The following CSTF2 variants were observed in gnomAD, a reference collection of about 807,000 sequenced individuals.
CSTF2 encodes the protein CF-1 64 kDa subunit.
A neutral mutation model predicts 45.4 loss-of-function variants in CSTF2; 8 were observed. The ratio of observed to expected loss-of-function variants is 0.18; its 90% CI spans 0.10 to 0.32. The LOEUF (loss-of-function observed/expected upper bound fraction) is 0.32. Among genes scored for constraint, CSTF2 ranks in the 10% least tolerant of loss-of-function variants. The probability of loss-of-function intolerance (pLI) is 1.00; values close to 1 mark genes in which losing one functional copy is unlikely to be tolerated. For synonymous variants in CSTF2, 155 were observed against 158.9 expected, an observed-to-expected ratio of 0.98 and a Z score of 0.18; for missense variants, 253 against 477.1, an observed-to-expected ratio of 0.53 and a Z score of 4.38.
rs755338291 is a variant in CSTF2 at position 100,841,384 on chromosome X, T to A, written c.*674T>A. Among the ~76,000 whole-genome samples the A allele has an allele frequency of 1.7e-4, 19 of 112,593 alleles. No homozygotes were observed. Among genetic ancestry groups the A allele is most frequent in the Non-Finnish European group, 3.4e-4 (18 of 53,354 alleles). On this transcript the variant is annotated 3_prime_UTR_variant, in exon 14 of 14. Transcript: ENST00000372972. ...AATTGTTTTAGCACTGGTTTGAGTG[T>A]GTCAGCAACACAAGAGACTGTTGAC...
chrX:100,831,704 C>G (rs746929690), intron 9 of CSTF2, 48 bp downstream of exon 9: 4 of 1,173,039 alleles, frequency 3.4e-6, no homozygotes, highest in Non-Finnish European at 4.6e-6. Context: ...AGAATTGTCC[C>G]TTCTTCCCTG....
intron 6 of CSTF2, among the ~76,000 whole-genome samples, chrX:100,825,670 G>A (rs1290176969): frequency 9.0e-6 from 1 of 111,646 alleles, no homozygotes; most frequent in East Asian, 2.8e-4. Context: ...ATCAGCCATA[G>A]GCAATAAGTG....
chrX:100,832,651 T>C, intron 9 of CSTF2, 83 bp from the exon 10 acceptor site: 1 of 859,667 alleles, frequency 1.2e-6, no homozygotes, highest in African/African-American at 2.0e-5. Flanking sequence ...CAGCTCTTTG[T>C]TGGATGTTTA....
intron 13 of CSTF2, 130 bp downstream of exon 13, chrX:100,838,494 C>T (rs1234065869): frequency 1.9e-6 from 1 of 530,232 alleles, no homozygotes; most frequent in Non-Finnish European, 2.8e-6. Flanking sequence ...CTTCTTTACC[C>T]TTCAGTAGGT....
chrX:100,821,384 G>T (rs1233496105), intron 1 of CSTF2, 143 bp from the exon 2 acceptor site: 2 of 454,782 alleles, frequency 4.4e-6, no homozygotes, highest in Non-Finnish European at 7.6e-6. Context: ...TATTTCCTTT[G>T]TTAAGAGGTC....
intron 2 of CSTF2, 103 bp downstream of exon 2, chrX:100,821,708 A>T (rs1044347817): frequency 1.8e-6 from 1 of 543,081 alleles, no homozygotes; most frequent in Non-Finnish European, 3.1e-6. Context: ...CTTTTCACAT[A>T]CATTTTGTTC....
intron 11 of CSTF2, among the ~76,000 whole-genome samples, chrX:100,834,302 T>C (rs2084994961): frequency 8.9e-6 from 1 of 111,735 alleles, no homozygotes; most frequent in Admixed American, 9.5e-5. Flanking sequence ...GAGAGAAAGA[T>C]AATGGCAGAG....
chrX:100,823,154 T>C (rs1487196471), intron 3 of CSTF2, 138 bp from the exon 4 acceptor site: 7 of 677,472 alleles, frequency 1.0e-5, no homozygotes, highest in Non-Finnish European at 1.5e-5. Context: ...CAAGAGGCTT[T>C]CACATCATTT....
rs779682617 is a variant in CSTF2 at position 100,820,495 on chromosome X, T to C, written c.58+21T>C. 4 of 1,204,711 alleles carry C rather than the reference T, an allele frequency of 3.3e-6. No individual in the cohort carries two copies. In the South Asian group the frequency reaches 5.3e-5, roughly 16 times the overall value. ...GTTCGGTGAGAGGAATTCGTTGTAG[T>C]CAAGCTTCGGGGAGGGACTCCCCTC... On this transcript the variant is annotated intron_variant, in intron 1 of 13. Coordinates refer to ENST00000372972, the MANE Select transcript of CSTF2 (RefSeq NM_001325.3).
chrX:100,824,599 C>T lies in CSTF2; in HGVS notation c.702+342C>T, dbSNP rs2084935172. Among the ~76,000 whole-genome samples the T allele has an allele frequency of 4.5e-5, 5 of 112,002 alleles. No individual in the cohort carries two copies. In the South Asian group the frequency reaches 1.9e-3, roughly 42 times the overall value. ...TATGAGGTTGGCACTCTTATTATCTCCATTCTTACTGATGAAAAAAGTAAA... is the reference window on the plus strand; with the variant it reads ...TATGAGGTTGGCACTCTTATTATCTTCATTCTTACTGATGAAAAAAGTAAA... On this transcript the variant is annotated intron_variant, in intron 6 of 13. Transcript: ENST00000372972.
chrX:100,829,459 C>CTCCA (rs2147890354), intron 8 of CSTF2, among the ~76,000 whole-genome samples: 1 of 111,400 alleles, frequency 9.0e-6, no homozygotes, highest in African/African-American at 3.3e-5. Context: ...CACCACTGCA[C>CTCCA]TCCAGCCTGG....
rs931713126 is a variant in CSTF2 at position 100,821,627 on chromosome X, T to A, written c.137+22T>A. 1.0e-5 allele frequency: 11 copies of A among 1,105,195 alleles called. No individual in the cohort carries two copies. In the Middle Eastern group the frequency reaches 7.3e-4, roughly 74 times the overall value. 91.1% of individuals were successfully genotyped at this position (1,105,195 alleles called of 1,213,427 possible). On this transcript the variant is annotated intron_variant, in intron 2 of 13. Coordinates refer to ENST00000372972, the MANE Select transcript of CSTF2 (RefSeq NM_001325.3). The stretch of plus-strand genomic sequence containing the variant: ...TCAGGTGAGATCCCCTTTTCCTTCA[T>A]GGTGGGAGCTTCTTAAAAATCACCA...
intron 6 of CSTF2, among the ~76,000 whole-genome samples, chrX:100,826,390 T>A (rs762385367): frequency 9.5e-6 from 1 of 105,591 alleles, no homozygotes; most frequent in Non-Finnish European, 1.9e-5. Context: ...GACTTGTCAA[T>A]CTCTACATTG....
At chrX:100,822,463 A>G (rs1245551403) in intron 3 of CSTF2, 43 bp downstream of exon 3, 2 of 1,142,318 alleles carry the variant, frequency 1.8e-6, no homozygotes, top group Non-Finnish European at 2.4e-6. Context: ...GTTAGTAAAG[A>G]TGTAACAATG....
intron 3 of CSTF2, chrX:100,822,736 A>G (rs1273911175): frequency 6.1e-5 from 16 of 261,664 alleles, no homozygotes; most frequent in Middle Eastern, 2.3e-3. Flanking sequence ...AGACCTAAGC[A>G]TGCTGGAGGC....
intron 13 of CSTF2, among the ~76,000 whole-genome samples, chrX:100,838,662 A>T (rs2085023283): frequency 8.9e-6 from 1 of 112,016 alleles, no homozygotes; most frequent in African/African-American, 3.2e-5. Context: ...CTGTTTCCTC[A>T]ATCTCATTCC....
chrX:100,823,559 A>G, intron 4 of CSTF2, 131 bp downstream of exon 4: 3 of 691,040 alleles, frequency 4.3e-6, no homozygotes. Flanking sequence ...AATATTCTGT[A>G]TGTACACAGT....
Position 100,822,361 on chromosome X carries a change from G to C in CSTF2, c.248G>C (p.Ser83Thr). ...AMRNLNGREF[S>T]GRALRVDNAA... ...CGGAACCTGAATGGGCGCGAATTCA[G>C]TGGGAGAGCACTTCGAGTGGACAAT... Residue 83 changes from serine to threonine, a missense_variant, in exon 3 of 14, where the codon AGT (serine) becomes ACT (threonine). Ser to Thr is a moderately conservative substitution (Grantham distance 58). Coordinates refer to ENST00000372972, the MANE Select transcript of CSTF2 (RefSeq NM_001325.3). The C allele has an allele frequency of 8.3e-7, 1 of 1,211,779 alleles. No individual in the cohort carries two copies. Among genetic ancestry groups the C allele is most frequent in the Non-Finnish European group, 1.1e-6 (1 of 895,435 alleles).
chrX:100,840,486 A>T (rs1204956940), intron 13 of CSTF2, among the ~76,000 whole-genome samples: 1 of 111,233 alleles, frequency 9.0e-6, no homozygotes, highest in East Asian at 2.8e-4. Flanking sequence ...AGCAACTAGT[A>T]CTCCAGCCCA....
Sources: allele counts gnomAD v4.1 joint callset (sites outside exome capture counted in the v4.1 genomes callset), GRCh38; gene constraint gnomAD v4.1.1; transcripts MANE v1.5; gene names NCBI Gene and HGNC (gene_info 2026-07-23, HGNC 2026-07-21).